DCAF6: variants seen among roughly 807,000 people sequenced by gnomAD.
DCAF6 encodes the protein DDB1- and CUL4-associated factor 6.
A neutral mutation model predicts 125.1 loss-of-function variants in DCAF6; 54 were observed. That is an observed-to-expected ratio of 0.43 (90% CI 0.35 to 0.54). The LOEUF is 0.54. Ranked by LOEUF, DCAF6 falls within the 20% of genes least tolerant of loss-of-function variation. The pLI is 0.01. For missense variants in DCAF6, 934 were observed against 1,161.7 expected (o/e 0.80, Z 2.85); for synonymous variants, 371 against 390.4 (o/e 0.95, Z 0.58).
chr1:167,940,205 C>T (rs1299984876), intron 1 of DCAF6, among the ~76,000 whole-genome samples: 1 of 152,094 alleles, frequency 6.6e-6, no homozygotes, highest in African/African-American at 2.4e-5. Context: ...AATAATTTCC[C>T]AGATGTTATT....
the DCAF6 span, chr1:167,905,281 T>A: frequency 9.2e-7 from 1 of 1,081,600 alleles, no homozygotes; most frequent in Non-Finnish European, 1.4e-6. Context: ...TGTTTTGTTC[T>A]AACCTGCGGC....
At chr1:167,995,694 A>G (rs888902602) in intron 7 of DCAF6, among the ~76,000 whole-genome samples, 41 of 152,180 alleles carry the variant, frequency 2.7e-4, no homozygotes, top group African/African-American at 7.9e-4. Flanking sequence ...AAAAAAAAAA[A>G]AAGCTTATTA....
intron 12 of DCAF6, among the ~76,000 whole-genome samples, chr1:168,031,137 A>T (rs756153943): frequency 5.3e-5 from 8 of 152,224 alleles, no homozygotes; most frequent in Non-Finnish European, 1.2e-4. Flanking sequence ...TTGCATACAG[A>T]TGTTAACTGA....
At chr1:168,072,344 T>TG (rs1160637201) in intron 21 of DCAF6, among the ~76,000 whole-genome samples, 3 of 142,428 alleles carry the variant, frequency 2.1e-5, no homozygotes, top group Non-Finnish European at 4.6e-5. Flanking sequence ...AAGTCTTCCC[T>TG]GGTCACTCAA....
the DCAF6 span, among the ~76,000 whole-genome samples, chr1:167,926,113 AT>A: frequency 6.6e-6 from 1 of 152,234 alleles, no homozygotes; most frequent in East Asian, 1.9e-4. Flanking sequence ...GCCCATTATA[AT>A]GTTAAACTTT....
upstream of DCAF6, among the ~76,000 whole-genome samples, chr1:167,931,178 C>A (rs1447716490): frequency 1.3e-5 from 2 of 152,176 alleles, no homozygotes; most frequent in Non-Finnish European, 2.9e-5. Flanking sequence ...GTGATCCACA[C>A]GCCTCGGCCT....
At chr1:167,978,133 A>G (rs1048025314) in intron 4 of DCAF6, among the ~76,000 whole-genome samples, 4 of 152,218 alleles carry the variant, frequency 2.6e-5, no homozygotes, top group African/African-American at 7.2e-5. Flanking sequence ...ATATGAATAT[A>G]CCACAATTGA....
At chr1:168,062,218 G>A (rs1463437829) in intron 17 of DCAF6, among the ~76,000 whole-genome samples, 1 of 152,092 alleles carries the variant, frequency 6.6e-6, no homozygotes, top group African/African-American at 2.4e-5. Flanking sequence ...GATATCAGAA[G>A]TCAGAATAAT....
At chr1:167,912,969 C>T in the DCAF6 span, among the ~76,000 whole-genome samples, 1 of 152,190 alleles carries the variant, frequency 6.6e-6, no homozygotes, top group African/African-American at 2.4e-5. Flanking sequence ...TCTACTATAT[C>T]ATGCTATATC....
At position 168,010,262 on chromosome 1, in the gene DCAF6, TTA is replaced by T. The variant is rs370801908; in HGVS notation, c.1378+5483_1378+5484del. On this transcript the variant is annotated intron_variant, in intron 10 of 21. Coordinates refer to ENST00000367840, the MANE Select transcript of DCAF6 (RefSeq NM_001198956.2). Reference sequence around the variant, plus strand: ...AGAAATACTTTAAAAAATTGTCTCATTATATATATATATATTTGTTTGTGCTT... The same window carrying T: ...AGAAATACTTTAAAAAATTGTCTCATTATATATATATATTTGTTTGTGCTT... 5.3e-5 allele frequency among the ~76,000 whole-genome samples: 8 copies of T among 151,038 alleles called. No homozygotes were observed. In the East Asian group the frequency reaches 5.8e-4, roughly 11 times the overall value.
intron 10 of DCAF6, 112 bp downstream of exon 10, chr1:168,004,905 C>A: frequency 1.7e-6 from 2 of 1,206,238 alleles, no homozygotes; most frequent in South Asian, 1.6e-5. Context: ...AATAAATGAT[C>A]AAAATGACAT....
intron 11 of DCAF6, among the ~76,000 whole-genome samples, chr1:168,017,978 T>A (rs1314678656): frequency 3.9e-5 from 6 of 152,212 alleles, no homozygotes; most frequent in Non-Finnish European, 7.4e-5. Flanking sequence ...GAGACATTAC[T>A]ATGATTTGGA....
At chr1:167,872,944 C>T in the DCAF6 span, among the ~76,000 whole-genome samples, 8 of 151,660 alleles carry the variant, frequency 5.3e-5, no homozygotes, top group African/African-American at 1.9e-4. Flanking sequence ...GTGGTGTGCA[C>T]CTGTAATCCC....
At chr1:168,059,438 G>A (rs1016381916) in intron 17 of DCAF6, among the ~76,000 whole-genome samples, 10 of 152,048 alleles carry the variant, frequency 6.6e-5, no homozygotes, top group African/African-American at 1.9e-4. Flanking sequence ...TCTTAATGGC[G>A]GCTAAGGCAA....
At chr1:167,957,660 C>T (rs534345819) in intron 2 of DCAF6, among the ~76,000 whole-genome samples, 1 of 152,054 alleles carries the variant, frequency 6.6e-6, no homozygotes, top group Non-Finnish European at 1.5e-5. Flanking sequence ...TGCAGAATTG[C>T]TAGGTCATAT....
chr1:168,065,855 CT>C, intron 19 of DCAF6, 109 bp downstream of exon 19: 2 of 1,064,930 alleles, frequency 1.9e-6, no homozygotes, highest in South Asian at 4.1e-5. Context: ...TCCAAACTAT[CT>C]GACTAGGCAG....
intron 17 of DCAF6, among the ~76,000 whole-genome samples, chr1:168,060,168 C>T (rs993579155): frequency 1.3e-5 from 2 of 151,856 alleles, no homozygotes; most frequent in Admixed American, 1.3e-4. Flanking sequence ...TTAATTGGCC[C>T]GTAGATATTT....
chr1:168,061,740 ATTAC>A (rs754845180), intron 17 of DCAF6, among the ~76,000 whole-genome samples: 9 of 152,186 alleles, frequency 5.9e-5, no homozygotes, highest in Non-Finnish European at 1.3e-4. Context: ...CAAAGCTTAT[ATTAC>A]TTAATTTCTC....
rs1296468358 is a variant in DCAF6, at chr1:168,045,164, A to T, written c.2195A>T (p.Asp732Val). The T allele has an allele frequency of 3.1e-6, 5 of 1,614,004 alleles. No homozygotes were observed. The highest frequency in any genetic ancestry group is 4.2e-6 in the Non-Finnish European group (5 of 1,179,922). The change falls in exon 16 of 22, where the codon GAT (aspartate) becomes GTT (valine). Residue 732 changes from aspartate (D) to valine (V), a missense_variant. Asp to Val is a radical substitution (Grantham distance 152). Transcript: ENST00000367840. ...AGGGACTCTGCTCTTCAGGACACAG[A>T]TGACAGTGATGATGACCCAGTCCTG... is the stretch of plus-strand genomic sequence containing the variant. ...STRDSALQDT[D>V]DSDDDPVLIP...
Sources: gnomAD v4.1 joint callset for allele counts (sites outside exome capture counted in the v4.1 genomes callset) on GRCh38, gnomAD v4.1.1 for gene constraint, MANE v1.5 for transcripts, NCBI Gene and HGNC (gene_info 2026-07-23, HGNC 2026-07-21) for gene names.